Variants in KLF12 observed in about 807,000 individuals in gnomAD.
KLF12 encodes KLF transcription factor 12.
A neutral mutation model predicts 37.8 loss-of-function variants in KLF12; 9 were observed. The ratio of observed to expected loss-of-function variants is 0.24; its 90% CI spans 0.14 to 0.42. KLF12 has a LOEUF of 0.42. Ranked by LOEUF, KLF12 falls within the 10% of genes least tolerant of loss-of-function variation. The pLI is 1.00. For missense variants in KLF12, 411 were observed against 516.0 expected, an observed-to-expected ratio of 0.80 and a Z score of 1.97; for synonymous variants, 208 against 202.1, an observed-to-expected ratio of 1.03 and a Z score of -0.25.
chr13:73,974,310 C>CAAAAAAAAAAAAAAAAAA (rs61516158), intron 2 of KLF12, among the ~76,000 whole-genome samples: 12 of 146,236 alleles, frequency 8.2e-5, no homozygotes, highest in African/African-American at 3.1e-4. Context: ...AACTTCAAGA[C>CAAAAAAAAAAAAAAAAAA]AAAAAAAAAA....
the KLF12 span, among the ~76,000 whole-genome samples, chr13:74,251,223 C>T: frequency 6.6e-5 from 10 of 152,102 alleles, no homozygotes; most frequent in African/African-American, 2.4e-4. Flanking sequence ...GTTATCTGAG[C>T]TCACTGCAAC....
At chr13:73,864,462 T>C (rs1267706630) in intron 3 of KLF12, among the ~76,000 whole-genome samples, 1 of 152,084 alleles carries the variant, frequency 6.6e-6, no homozygotes, top group African/African-American at 2.4e-5. Context: ...GGTCTATATC[T>C]ATTATCTTCC....
the KLF12 span, among the ~76,000 whole-genome samples, chr13:74,269,194 A>G: frequency 6.6e-6 from 1 of 152,240 alleles, no homozygotes; most frequent in Non-Finnish European, 1.5e-5. Flanking sequence ...CAAAGGGGAC[A>G]TGAAATGAAG....
At chr13:74,021,836 C>T (rs1281196624) in intron 1 of KLF12, among the ~76,000 whole-genome samples, 1 of 152,158 alleles carries the variant, frequency 6.6e-6, no homozygotes, top group Non-Finnish European at 1.5e-5. Context: ...AGTAGATACA[C>T]AAGAACTTCG....
intron 3 of KLF12, among the ~76,000 whole-genome samples, chr13:73,935,355 G>A (rs1256672676): frequency 1.3e-5 from 2 of 152,100 alleles, no homozygotes; most frequent in African/African-American, 4.8e-5. Context: ...ATCTATTAAT[G>A]TCATCCACTG....
At chr13:73,905,283 A>G (rs955756178) in intron 3 of KLF12, among the ~76,000 whole-genome samples, 9 of 152,122 alleles carry the variant, frequency 5.9e-5, no homozygotes, top group African/African-American at 2.2e-4. Flanking sequence ...TTATTGTTTT[A>G]CTTGTAAAAG....
intron 4 of KLF12, among the ~76,000 whole-genome samples, chr13:73,818,416 C>T (rs1315257475): frequency 6.6e-6 from 1 of 152,208 alleles, no homozygotes; most frequent in Admixed American, 6.5e-5. Context: ...TGTTTTTTCT[C>T]TTCAGCTCAC....
intron 4 of KLF12, among the ~76,000 whole-genome samples, chr13:73,840,115 C>T (rs1181464281): frequency 6.6e-6 from 1 of 152,156 alleles, no homozygotes; most frequent in African/African-American, 2.4e-5. Context: ...TGAACACTCC[C>T]TCGCCAAATG....
chr13:73,700,639 T>C (rs1024144194), intron 7 of KLF12, among the ~76,000 whole-genome samples: 3 of 151,942 alleles, frequency 2.0e-5, no homozygotes, highest in Non-Finnish European at 4.4e-5. Flanking sequence ...GGCTGAGTTA[T>C]GGGGGTAGGG....
intron 3 of KLF12, among the ~76,000 whole-genome samples, chr13:73,926,304 C>A (rs902625327): frequency 6.6e-6 from 1 of 152,100 alleles, no homozygotes; most frequent in Non-Finnish European, 1.5e-5. Context: ...CAGTCAGTGG[C>A]CATCAACACA....
intron 1 of KLF12, among the ~76,000 whole-genome samples, chr13:74,075,720 T>C (rs553879892): frequency 7.9e-5 from 12 of 152,268 alleles, no homozygotes; most frequent in South Asian, 2.1e-4. Flanking sequence ...CAAACATCAA[T>C]GTACTTTGTT....
At chr13:73,904,777 A>C (rs1054202720) in intron 3 of KLF12, among the ~76,000 whole-genome samples, 1 of 152,160 alleles carries the variant, frequency 6.6e-6, no homozygotes, top group African/African-American at 2.4e-5. Context: ...AGGCAGACTT[A>C]ACAGTGATGC....
intron 1 of KLF12, among the ~76,000 whole-genome samples, chr13:74,022,683 A>C (rs952422203): frequency 6.6e-6 from 1 of 151,402 alleles, no homozygotes; most frequent in Non-Finnish European, 1.5e-5. Flanking sequence ...AAAAAAAAAA[A>C]ATTGACCCCC....
At chr13:74,010,283 C>A (rs935898045) in intron 1 of KLF12, among the ~76,000 whole-genome samples, 1 of 152,170 alleles carries the variant, frequency 6.6e-6, no homozygotes, top group African/African-American at 2.4e-5. Context: ...TGCAAGAACA[C>A]CACCCTACAC....
chr13:74,117,787 A>C (rs59143886), intron 1 of KLF12, among the ~76,000 whole-genome samples: 2,197 of 152,290 alleles, frequency 0.014, 51 homozygotes, highest in African/African-American at 0.048. Context: ...GAAAAGCATC[A>C]GATGAACCAA....
the KLF12 span, among the ~76,000 whole-genome samples, chr13:74,285,751 G>A: frequency 1.3e-5 from 2 of 152,164 alleles, no homozygotes; most frequent in East Asian, 3.9e-4. Flanking sequence ...TTTCATCTGT[G>A]AAATGGGAAG....
At chr13:73,831,031 CTTATT>C (rs1051069293) in intron 4 of KLF12, among the ~76,000 whole-genome samples, 24 of 125,996 alleles carry the variant, frequency 1.9e-4, no homozygotes, top group African/African-American at 6.4e-4. Context: ...CACACGCATA[CTTATT>C]TTACATACAG....
intron 3 of KLF12, among the ~76,000 whole-genome samples, chr13:73,876,018 C>A (rs893626747): frequency 2.0e-5 from 3 of 152,042 alleles, no homozygotes; most frequent in African/African-American, 7.2e-5. Flanking sequence ...GAATTAGATT[C>A]TTGTATTAAT....
the KLF12 span, among the ~76,000 whole-genome samples, chr13:74,298,803 A>C: frequency 2.5e-4 from 38 of 152,194 alleles, no homozygotes; most frequent in African/African-American, 8.4e-4. Context: ...GCTTCTTAAT[A>C]TATTACTCTT....
Sources: gnomAD v4.1 joint callset for allele counts (sites outside exome capture counted in the v4.1 genomes callset) on GRCh38, gnomAD v4.1.1 for gene constraint, MANE v1.5 for transcripts, NCBI Gene and HGNC (gene_info 2026-07-23, HGNC 2026-07-21) for gene names.